Variants in ITGB6 observed in about 807,000 individuals in gnomAD.
ITGB6 encodes integrin subunit beta 6, also known as integrin beta-6.
Under a neutral mutation model 84.5 loss-of-function variants are expected in ITGB6, and 80 were observed. The ratio of observed to expected loss-of-function variants is 0.95; its 90% confidence interval spans 0.79 to 1.14. The LOEUF is 1.14. Among genes scored for constraint, ITGB6 ranks in the 50% most tolerant of loss-of-function variants. The probability of loss-of-function intolerance (pLI) is 0.00; values close to 1 mark genes in which losing one functional copy is unlikely to be tolerated. For synonymous variants in ITGB6, 383 were observed against 354.9 expected (o/e 1.08, Z -0.89); for missense variants, 1,006 against 968.0 (o/e 1.04, Z -0.52).
At chr2:160,142,443 T>C (rs892478764) in intron 7 of ITGB6, among the ~76,000 whole-genome samples, 2 of 152,204 alleles carry the variant, frequency 1.3e-5, no homozygotes, top group African/African-American at 4.8e-5. Flanking sequence ...ACTTCTCTTT[T>C]TGTAACGTTG....
At position 160,101,722 on chromosome 2, in the gene ITGB6, T is replaced by G. The variant is rs1187158525; in HGVS notation, c.*14A>C. ...ATATCAGTGAAACAGACTTTTTTCATGCATAAAGTAGTTCTAGCAATCTGT... is the reference window on the plus strand; with the variant it reads ...ATATCAGTGAAACAGACTTTTTTCAGGCATAAAGTAGTTCTAGCAATCTGT... On this transcript the variant is annotated 3_prime_UTR_variant, in exon 15 of 15. Coordinates refer to ENST00000283249, the MANE Select transcript of ITGB6 (RefSeq NM_000888.5). The G allele has an allele frequency of 7.4e-7, 1 of 1,359,348 alleles. No individual in the cohort carries two copies. Among genetic ancestry groups the G allele is most frequent in the Non-Finnish European group, 1.1e-6 (1 of 949,822 alleles). The allele number at this position is 1,359,348 out of a possible 1,614,324, so 84.2% of individuals were successfully genotyped here.
At chr2:160,163,658 T>G (rs1263518495) in intron 7 of ITGB6, among the ~76,000 whole-genome samples, 1 of 151,746 alleles carries the variant, frequency 6.6e-6, no homozygotes, top group African/African-American at 2.4e-5. Context: ...GTGATTATTT[T>G]AAAATCTGTG....
chr2:160,124,540 C>T (rs1352409144), intron 11 of ITGB6, among the ~76,000 whole-genome samples: 1 of 152,190 alleles, frequency 6.6e-6, no homozygotes, highest in African/African-American at 2.4e-5. Context: ...TTAAGGTACT[C>T]TAAAGACATC....
At chr2:160,107,918 G>C (rs1696974791) in intron 13 of ITGB6, 73 bp from the exon 14 acceptor site, 1 of 1,286,406 alleles carries the variant, frequency 7.8e-7, no homozygotes, top group Admixed American at 2.2e-5. Context: ...TTTCTTGTTG[G>C]ATTTTCATCT....
chr2:160,195,098 C>T (rs544614887), intron 4 of ITGB6, among the ~76,000 whole-genome samples: 40 of 152,268 alleles, frequency 2.6e-4, no homozygotes, highest in Admixed American at 1.2e-3. Flanking sequence ...TTGGTTCCCT[C>T]GCCTGCATAA....
intron 7 of ITGB6, among the ~76,000 whole-genome samples, chr2:160,154,177 C>T (rs189998258): frequency 1.3e-5 from 2 of 152,092 alleles, no homozygotes; most frequent in Non-Finnish European, 2.9e-5. Context: ...AGACTTGGAC[C>T]CAAGCCAAAT....
At position 160,112,079 on chromosome 2, in the gene ITGB6, C is replaced by T. The variant is rs760686515; in HGVS notation, c.2101+1G>A. The T allele has an allele frequency of 1.9e-6, 3 of 1,612,098 alleles. No individual in the cohort carries two copies. In the East Asian group the frequency reaches 6.7e-5, roughly 36 times the overall value. On this transcript the variant is annotated splice_donor_variant, in intron 13 of 14. Transcript: ENST00000283249. LOFTEE classifies it high-confidence loss of function. ...TCGGCAATGGAAGGCAAAACACCCA[C>T]CTTTTTCATTGATGCTGTGAATGAT...
chr2:160,152,692 G>A (rs973016515), intron 7 of ITGB6, among the ~76,000 whole-genome samples: 4 of 152,160 alleles, frequency 2.6e-5, no homozygotes, highest in African/African-American at 9.7e-5. Context: ...TGTATATCTA[G>A]AAAACCCCAT....
intron 4 of ITGB6, among the ~76,000 whole-genome samples, chr2:160,182,793 C>T (rs1685737411): frequency 6.6e-6 from 1 of 152,222 alleles, no homozygotes; most frequent in Admixed American, 6.5e-5. Context: ...CAGCATATCT[C>T]TCTGCAGAAA....
chr2:160,120,629 G>T lies in ITGB6; in HGVS notation c.1981+3162C>A, dbSNP rs1217743751. On this transcript the variant is annotated intron_variant, in intron 12 of 14. Transcript: ENST00000283249. Reference sequence around the variant, plus strand: ...ACATGTATACATATGTAACAAACCTGCACAATGTGCACATGTACCCTAAAA... The same window carrying T: ...ACATGTATACATATGTAACAAACCTTCACAATGTGCACATGTACCCTAAAA... 8.7e-5 allele frequency among the ~76,000 whole-genome samples: 4 copies of T among 45,996 alleles called. 2 individuals carry two copies. Among genetic ancestry groups the T allele is most frequent in the African/African-American group, 3.6e-4 (4 of 10,992 alleles). The allele number at this position is 45,996 out of a possible 152,430, so 30.2% of individuals were successfully genotyped here. A position where few individuals can be genotyped will look rare whatever the true frequency, so the allele number is the denominator to read the frequency against.
At chr2:160,184,906 A>G (rs1685833645) in intron 4 of ITGB6, among the ~76,000 whole-genome samples, 1 of 152,230 alleles carries the variant, frequency 6.6e-6, no homozygotes, top group African/African-American at 2.4e-5. Flanking sequence ...AGTTGCAGAA[A>G]AGGACTTCAA....
At chr2:160,117,472 CA>C (rs1682834638) in intron 12 of ITGB6, among the ~76,000 whole-genome samples, 1 of 152,088 alleles carries the variant, frequency 6.6e-6, no homozygotes, top group Non-Finnish European at 1.5e-5. Flanking sequence ...CCAGCGAGAA[CA>C]AAGAAACAAC....
rs561117715 is a variant in ITGB6 at position 160,131,724 on chromosome 2, G to C, written c.1661-5123C>G. On this transcript the variant is annotated intron_variant, in intron 10 of 14. Transcript: ENST00000283249. Reference sequence around the variant, plus strand: ...GAAACAGTAATGGTTGAAGGAAATCGGCATTGGTGAAGTTTTCTGAGTCTA... The same window carrying C: ...GAAACAGTAATGGTTGAAGGAAATCCGCATTGGTGAAGTTTTCTGAGTCTA... 2.0e-5 allele frequency among the ~76,000 whole-genome samples: 3 copies of C among 152,088 alleles called. No individual in the cohort carries two copies. The South Asian group carries it at 6.2e-4, about 32-fold the overall frequency.
chr2:160,164,895 T>C (rs1042358774), intron 7 of ITGB6, among the ~76,000 whole-genome samples: 2 of 152,112 alleles, frequency 1.3e-5, no homozygotes, highest in Non-Finnish European at 2.9e-5. Context: ...GATTGGAAAA[T>C]ACTCCCAACA....
chr2:160,120,757 T>C (rs1433090675), intron 12 of ITGB6, among the ~76,000 whole-genome samples: 1 of 136,390 alleles, frequency 7.3e-6, no homozygotes. Context: ...TCATGTCCTT[T>C]GTAGGGACAT....
intron 7 of ITGB6, among the ~76,000 whole-genome samples, chr2:160,161,431 C>A (rs928912707): frequency 6.6e-6 from 1 of 152,144 alleles, no homozygotes; most frequent in African/African-American, 2.4e-5. Context: ...GCTGGGACTA[C>A]AGGCACATGC....
chr2:160,112,788 T>C (rs1295337933), intron 12 of ITGB6, among the ~76,000 whole-genome samples: 1 of 151,686 alleles, frequency 6.6e-6, no homozygotes, highest in Non-Finnish European at 1.5e-5. Context: ...AGAGCTCCTT[T>C]CTTAATTTGA....
intron 7 of ITGB6, among the ~76,000 whole-genome samples, chr2:160,154,411 C>T (rs1684546500): frequency 6.8e-6 from 1 of 147,358 alleles, no homozygotes; most frequent in Non-Finnish European, 1.5e-5. Context: ...GGAAGGGGAA[C>T]ATCACACAGC....
intron 7 of ITGB6, among the ~76,000 whole-genome samples, chr2:160,159,605 C>T (rs1574101738): frequency 1.3e-5 from 2 of 152,152 alleles, no homozygotes; most frequent in African/African-American, 4.8e-5. Context: ...TCTCCTTCTA[C>T]CCCTACTCAC....
Sources: allele counts gnomAD v4.1 joint callset (sites outside exome capture counted in the v4.1 genomes callset), GRCh38; gene constraint gnomAD v4.1.1; transcripts MANE v1.5; gene names NCBI Gene and HGNC (gene_info 2026-07-23, HGNC 2026-07-21).